COL25A1: variants seen among roughly 807,000 people sequenced by gnomAD.
COL25A1 encodes collagen alpha-1(XXV) chain.
A neutral mutation model predicts 128.4 loss-of-function variants in COL25A1; 103 were observed. That is an observed-to-expected ratio of 0.80 (90% CI 0.68 to 0.94). COL25A1 has a LOEUF of 0.94. COL25A1 is among the 40% of genes least tolerant of loss of function. The pLI is 0.00. For missense variants in COL25A1, 745 were observed against 840.0 expected (o/e 0.89, Z 1.40); for synonymous variants, 279 against 277.2 (o/e 1.01, Z -0.06).
At chr4:109,147,480 T>C (rs1771051847) in intron 3 of COL25A1, among the ~76,000 whole-genome samples, 1 of 152,234 alleles carries the variant, frequency 6.6e-6, no homozygotes, top group African/African-American at 2.4e-5. Flanking sequence ...ATCAGGTTTT[T>C]TAAAAATTCA....
At chr4:109,002,589 T>C (rs1026339591) in intron 6 of COL25A1, among the ~76,000 whole-genome samples, 2 of 152,166 alleles carry the variant, frequency 1.3e-5, no homozygotes, top group Non-Finnish European at 2.9e-5. Context: ...AATTTTCAGT[T>C]ACAAGATGAA....
chr4:109,006,210 C>T (rs923888514), intron 6 of COL25A1, among the ~76,000 whole-genome samples: 15 of 149,856 alleles, frequency 1.0e-4, no homozygotes, highest in African/African-American at 3.4e-4. Flanking sequence ...CCATAACAAG[C>T]TTCTAATTTT....
At position 109,019,375 on chromosome 4, in the gene COL25A1, C is replaced by CATATATATATATAT. The variant is rs57842656; in HGVS notation, c.421-9014_421-9001dup. Among the ~76,000 whole-genome samples the CATATATATATATAT allele has an allele frequency of 5.5e-3, 266 of 48,702 alleles. 3 individuals carry two copies. The highest frequency in any genetic ancestry group is 9.7e-3 in the Admixed American group (42 of 4,310). 32.0% of individuals were successfully genotyped at this position (48,702 alleles called of 152,430 possible). On this transcript the variant is annotated intron_variant, in intron 5 of 37. Transcript: ENST00000399132. ...ACACACACACACACACACACACACA[C>CATATATATATATAT]ATATATATATATATATATATATATT...
At chr4:109,060,753 G>A (rs1761897309) in intron 3 of COL25A1, among the ~76,000 whole-genome samples, 1 of 151,308 alleles carries the variant, frequency 6.6e-6, no homozygotes, top group Non-Finnish European at 1.5e-5. Flanking sequence ...CAGAATTTGG[G>A]CTGTCATGAC....
Position 109,229,885 on chromosome 4 carries a change from C to T in COL25A1, c.367+70698G>A, listed in dbSNP as rs148522308. Among the ~76,000 whole-genome samples the T allele has an allele frequency of 1.0e-3, 154 of 152,246 alleles. 1 individual carries two copies. Among genetic ancestry groups the T allele is most frequent in the African/African-American group, 3.5e-3 (145 of 41,530 alleles). On this transcript the variant is annotated intron_variant, in intron 3 of 37. Coordinates refer to ENST00000399132, the MANE Select transcript of COL25A1 (RefSeq NM_198721.4). ...TATAAAAAAAGAGGTTTAACTGATCCGTGGTTCTGCAGGCTGTACAGGAAG... is the reference window on the plus strand; with the variant it reads ...TATAAAAAAAGAGGTTTAACTGATCTGTGGTTCTGCAGGCTGTACAGGAAG...
At chr4:108,995,571 C>T (rs1242130897) in intron 6 of COL25A1, among the ~76,000 whole-genome samples, 2 of 152,112 alleles carry the variant, frequency 1.3e-5, no homozygotes, top group Non-Finnish European at 2.9e-5. Context: ...GAGAACCTCC[C>T]CAACCTAGCA....
intron 24 of COL25A1, among the ~76,000 whole-genome samples, chr4:108,854,605 G>GA (rs1407898956): frequency 1.4e-4 from 22 of 152,138 alleles, no homozygotes; most frequent in Non-Finnish European, 2.6e-4. Flanking sequence ...ACAAACATAT[G>GA]AAAAAAAGCT....
At chr4:108,990,057 A>G (rs1470087757) in intron 6 of COL25A1, among the ~76,000 whole-genome samples, 2 of 151,094 alleles carry the variant, frequency 1.3e-5, no homozygotes, top group Non-Finnish European at 3.0e-5. Flanking sequence ...TACTAAAAAT[A>G]CCAAAAATTA....
intron 3 of COL25A1, among the ~76,000 whole-genome samples, chr4:109,218,807 T>C (rs186188800): frequency 6.6e-6 from 1 of 152,252 alleles, no homozygotes; most frequent in African/African-American, 2.4e-5. Flanking sequence ...TTTTATCTAA[T>C]GAGATTATAC....
At chr4:109,175,845 C>T (rs1774044982) in intron 3 of COL25A1, among the ~76,000 whole-genome samples, 1 of 152,132 alleles carries the variant, frequency 6.6e-6, no homozygotes, top group Non-Finnish European at 1.5e-5. Context: ...TTATGAGGCC[C>T]ATGGTATTGG....
intron 23 of COL25A1, among the ~76,000 whole-genome samples, chr4:108,860,476 A>T: frequency 6.6e-6 from 1 of 152,168 alleles, no homozygotes; most frequent in East Asian, 1.9e-4. Flanking sequence ...AATTAAACAA[A>T]ATAGGGAACA....
chr4:108,912,046 A>T (rs1382079708), intron 13 of COL25A1, among the ~76,000 whole-genome samples: 5 of 152,132 alleles, frequency 3.3e-5, no homozygotes, highest in African/African-American at 9.7e-5. Flanking sequence ...CCTTCAACTA[A>T]CTTTTTGTTT....
chr4:108,952,442 C>A (rs187639518), intron 8 of COL25A1, among the ~76,000 whole-genome samples: 2 of 152,136 alleles, frequency 1.3e-5, no homozygotes, highest in East Asian at 3.9e-4. Context: ...CCTGTGGAAA[C>A]AAAAATGGTG....
At chr4:108,879,434 G>C (rs1739846339) in intron 19 of COL25A1, among the ~76,000 whole-genome samples, 1 of 151,868 alleles carries the variant, frequency 6.6e-6, no homozygotes, top group Non-Finnish European at 1.5e-5. Flanking sequence ...TAAACTGATG[G>C]TATATGGGTT....
chr4:108,818,468 A>T (rs1343907909), intron 36 of COL25A1, among the ~76,000 whole-genome samples: 1 of 152,190 alleles, frequency 6.6e-6, no homozygotes, highest in Non-Finnish European at 1.5e-5. Flanking sequence ...TAAATGTAAA[A>T]AAAGAACACT....
Position 108,812,487 on chromosome 4 carries a change from A to G in COL25A1, c.*1440T>C, listed in dbSNP as rs1409101497. The G allele has an allele frequency of 6.6e-6, 1 of 152,328 alleles. No individual in the cohort carries two copies. The highest frequency in any genetic ancestry group is 2.1e-4 in the South Asian group (1 of 4,830). 9.4% of individuals were successfully genotyped at this position (152,328 alleles called of 1,614,324 possible). On this transcript the variant is annotated 3_prime_UTR_variant, in exon 38 of 38. Transcript: ENST00000399132. ...TTCATGCTTTACAATGATTAGACTG[A>G]AAGTGGAGCTTCTTTTATATTCTAT...
At chr4:109,188,242 C>G (rs1410817786) in intron 3 of COL25A1, among the ~76,000 whole-genome samples, 2 of 152,198 alleles carry the variant, frequency 1.3e-5, no homozygotes, top group African/African-American at 4.8e-5. Context: ...GGATGCTCCT[C>G]ATGCCCTATC....
chr4:109,250,369 T>C (rs977381740), intron 3 of COL25A1, among the ~76,000 whole-genome samples: 22 of 134,956 alleles, frequency 1.6e-4, no homozygotes, highest in Non-Finnish European at 2.5e-4. Context: ...AAGTAGGAGA[T>C]ACACACACAC....
At chr4:109,184,759 G>A (rs1235780887) in intron 3 of COL25A1, among the ~76,000 whole-genome samples, 2 of 152,316 alleles carry the variant, frequency 1.3e-5, no homozygotes, top group East Asian at 3.9e-4. Flanking sequence ...CCGAGGTCAC[G>A]TATAGCAGTT....
Sources: allele counts gnomAD v4.1 joint callset (sites outside exome capture counted in the v4.1 genomes callset), GRCh38; gene constraint gnomAD v4.1.1; transcripts MANE v1.5; gene names NCBI Gene and HGNC (gene_info 2026-07-23, HGNC 2026-07-21).